TMEM132D: variants seen among roughly 807,000 people sequenced by gnomAD.
TMEM132D encodes mature OL transmembrane protein.
A neutral mutation model predicts 62.3 loss-of-function variants in TMEM132D; 21 were observed. The ratio of observed to expected loss-of-function variants is 0.34; its 90% CI spans 0.24 to 0.49. TMEM132D has a LOEUF of 0.49. Ranked by LOEUF, TMEM132D falls within the 20% of genes least tolerant of loss-of-function variation. The pLI is 0.99. For missense variants in TMEM132D, 1,346 were observed against 1,402.8 expected, an observed-to-expected ratio of 0.96 and a Z score of 0.65; for synonymous variants, 621 against 575.6, an observed-to-expected ratio of 1.08 and a Z score of -1.13.
At chr12:129,513,898 C>T (rs1162544687) in intron 3 of TMEM132D, among the ~76,000 whole-genome samples, 1 of 150,106 alleles carries the variant, frequency 6.7e-6, no homozygotes, top group Non-Finnish European at 1.5e-5. Flanking sequence ...AGTGCAGTGG[C>T]ACGATCTCGG....
At chr12:129,351,042 T>C (rs1342810991) in intron 3 of TMEM132D, among the ~76,000 whole-genome samples, 3 of 152,162 alleles carry the variant, frequency 2.0e-5, no homozygotes, top group African/African-American at 4.8e-5. Flanking sequence ...ACCTCAACAA[T>C]GTAATCAGAC....
At chr12:129,851,169 A>T (rs1482683800) in intron 1 of TMEM132D, among the ~76,000 whole-genome samples, 1 of 152,218 alleles carries the variant, frequency 6.6e-6, no homozygotes, top group East Asian at 1.9e-4. Context: ...ATCCATAGGG[A>T]AAACTGACTT....
intron 3 of TMEM132D, among the ~76,000 whole-genome samples, chr12:129,435,263 C>T (rs925186013): frequency 1.3e-5 from 2 of 152,176 alleles, no homozygotes; most frequent in Admixed American, 6.5e-5. Flanking sequence ...ATTGTGAATA[C>T]TGCTGCAATA....
intron 2 of TMEM132D, among the ~76,000 whole-genome samples, chr12:129,612,026 A>G (rs988403555): frequency 3.3e-5 from 5 of 152,192 alleles, no homozygotes; most frequent in Non-Finnish European, 1.5e-5. Context: ...GGCTCTTCAT[A>G]GAAAGGAGAC....
intron 4 of TMEM132D, among the ~76,000 whole-genome samples, chr12:129,322,108 G>A (rs1416404636): frequency 2.6e-5 from 4 of 151,268 alleles, no homozygotes; most frequent in Non-Finnish European, 4.4e-5. Flanking sequence ...AAATAGCCAC[G>A]ATGGCCATTT....
At chr12:129,493,296 A>G (rs537761048) in intron 3 of TMEM132D, among the ~76,000 whole-genome samples, 1 of 152,370 alleles carries the variant, frequency 6.6e-6, no homozygotes, top group South Asian at 2.1e-4. Context: ...CCACTTTAAT[A>G]TCTAAGACAG....
intron 5 of TMEM132D, among the ~76,000 whole-genome samples, chr12:129,164,648 C>T (rs10847786): frequency 0.2 from 30,826 of 152,096 alleles, 3,736 homozygotes; most frequent in Middle Eastern, 0.27. Flanking sequence ...AAGCAAGGCA[C>T]CTTCTTCACA....
rs900743271 is a variant in TMEM132D at position 129,736,608 on chromosome 12, T to C, written c.80-35910A>G. On this transcript the variant is annotated intron_variant, in intron 1 of 8. Coordinates refer to ENST00000422113, the MANE Select transcript of TMEM132D (RefSeq NM_133448.3). ...TTTAAAGAAAAACAATGATGTTTTA[T>C]AGTATTGAAAAAAAAACTTTCTAAT... 3.6e-4 allele frequency among the ~76,000 whole-genome samples: 12 copies of C among 33,584 alleles called. No homozygotes were observed. The Middle Eastern group carries it at 0.047, about 131-fold the overall frequency. 22.0% of individuals were successfully genotyped at this position (33,584 alleles called of 152,430 possible).
chr12:129,143,641 G>C (rs552145289), intron 5 of TMEM132D, among the ~76,000 whole-genome samples: 1 of 152,288 alleles, frequency 6.6e-6, no homozygotes, highest in South Asian at 2.1e-4. Context: ...TGATGAGCCT[G>C]AACTTGTAGA....
At chr12:129,560,501 C>G (rs1410305638) in intron 2 of TMEM132D, among the ~76,000 whole-genome samples, 1 of 151,968 alleles carries the variant, frequency 6.6e-6, no homozygotes, top group East Asian at 1.9e-4. Flanking sequence ...AACTCCTGAC[C>G]TCAAATGATC....
chr12:129,731,214 G>A (rs1176950558), intron 1 of TMEM132D, among the ~76,000 whole-genome samples: 2 of 151,950 alleles, frequency 1.3e-5, no homozygotes, highest in South Asian at 2.1e-4. Flanking sequence ...TCATTCATTC[G>A]TTCACTCAGC....
chr12:129,565,977 T>C (rs927511232), intron 2 of TMEM132D, among the ~76,000 whole-genome samples: 1 of 152,216 alleles, frequency 6.6e-6, no homozygotes, highest in African/African-American at 2.4e-5. Flanking sequence ...CAAATGCACG[T>C]CTTTTTACTG....
intron 2 of TMEM132D, among the ~76,000 whole-genome samples, chr12:129,622,252 T>C (rs139110662): frequency 1.3e-5 from 2 of 152,214 alleles, no homozygotes; most frequent in Non-Finnish European, 2.9e-5. Context: ...CCCACAGGCA[T>C]AATCTGGAGA....
chr12:129,860,850 A>T (rs977374660), intron 1 of TMEM132D, among the ~76,000 whole-genome samples: 1 of 152,170 alleles, frequency 6.6e-6, no homozygotes, highest in Admixed American at 6.5e-5. Context: ...GCCCCTTATA[A>T]AATCATCTGA....
At chr12:129,848,409 G>A (rs1041076738) in intron 1 of TMEM132D, among the ~76,000 whole-genome samples, 3 of 152,242 alleles carry the variant, frequency 2.0e-5, no homozygotes, top group East Asian at 1.9e-4. Context: ...TCCCGGTACC[G>A]GAATGCTTCA....
intron 4 of TMEM132D, among the ~76,000 whole-genome samples, chr12:129,315,023 A>G (rs933338937): frequency 6.6e-6 from 1 of 152,190 alleles, no homozygotes; most frequent in Non-Finnish European, 1.5e-5. Context: ...GAATTCTTTC[A>G]TCAGTTCTAG....
At chr12:129,813,127 C>T (rs1872237631) in intron 1 of TMEM132D, among the ~76,000 whole-genome samples, 1 of 151,744 alleles carries the variant, frequency 6.6e-6, no homozygotes, top group Admixed American at 6.6e-5. Context: ...TTCATTCAAT[C>T]CATCTGTAAA....
chr12:129,709,495 C>T (rs993375238), intron 1 of TMEM132D, among the ~76,000 whole-genome samples: 1 of 152,116 alleles, frequency 6.6e-6, no homozygotes, highest in African/African-American at 2.4e-5. Context: ...TCTTAACTAC[C>T]ACCTTCTCCT....
At chr12:129,560,100 T>A (rs561628467) in intron 2 of TMEM132D, among the ~76,000 whole-genome samples, 1 of 152,316 alleles carries the variant, frequency 6.6e-6, no homozygotes, top group African/African-American at 2.4e-5. Flanking sequence ...ACATAAAGTG[T>A]GTGGCAATAT....
Sources: allele counts gnomAD v4.1 joint callset (sites outside exome capture counted in the v4.1 genomes callset), GRCh38; gene constraint gnomAD v4.1.1; transcripts MANE v1.5; gene names NCBI Gene and HGNC (gene_info 2026-07-23, HGNC 2026-07-21).